Variants in CABIN1 observed in about 807,000 individuals in gnomAD.
CABIN1 encodes the protein calcineurin binding protein 1, also known as calcineurin-binding protein cabin-1.
CABIN1 carries 133 observed loss-of-function variants against 227.7 expected under a neutral mutation model. The observed-to-expected ratio is 0.58, with a 90% CI of 0.51 to 0.67. The LOEUF (loss-of-function observed/expected upper bound fraction) is 0.67. Ranked by LOEUF, CABIN1 falls within the 30% of genes least tolerant of loss-of-function variation. CABIN1 has a pLI of 0.00. For missense variants in CABIN1, 2,408 were observed against 2,852.5 expected (o/e 0.84, Z 3.55); for synonymous variants, 1,086 against 1,155.1 (o/e 0.94, Z 1.21).
rs1284328989 is a variant in CABIN1, at chr22:24,165,617, G to A, written c.4998G>A (p.Glu1666=). 1.2e-6 allele frequency: 2 copies of A among 1,612,398 alleles called. No individual in the cohort carries two copies. Among genetic ancestry groups the A allele is most frequent in the South Asian group, 2.2e-5 (2 of 90,826 alleles). The change falls in exon 31 of 37, where the codon GAG becomes GAA. Residue 1666 remains glutamate (E), a synonymous_variant. Coordinates refer to ENST00000263119, the MANE Select transcript of CABIN1 (RefSeq NM_012295.4). ...AGGTGCTCGAAGACACGCTGAGCGA[G>A]CTCGCAGAGGTATGCCACCTGTGTC... ...TVKVLEDTLS[E]LAEGSERPGP... is the part of the protein sequence containing the mutation.
At chr22:24,164,696 C>A in intron 30 of CABIN1, 133 bp downstream of exon 30, 1 of 1,056,862 alleles carries the variant, frequency 9.5e-7, no homozygotes, top group Admixed American at 2.0e-5. Context: ...GCTCTTCATT[C>A]TCCTTGGGGG....
At chr22:24,117,446 C>CA (rs2043151137) in intron 27 of CABIN1, among the ~76,000 whole-genome samples, 1 of 152,176 alleles carries the variant, frequency 6.6e-6, no homozygotes, top group South Asian at 2.1e-4. Context: ...GCAATCCTCT[C>CA]ACCTTAGCCT....
chr22:24,013,324 G>C (rs2034982031), intron 1 of CABIN1, among the ~76,000 whole-genome samples: 1 of 148,816 alleles, frequency 6.7e-6, no homozygotes, highest in South Asian at 2.1e-4. Flanking sequence ...AGCCTCCCTA[G>C]TAGCTGGGAC....
chr22:24,098,222 C>A, intron 26 of CABIN1, 30 bp downstream of exon 26: 1 of 1,613,728 alleles, frequency 6.2e-7, no homozygotes, highest in Non-Finnish European at 8.5e-7. Flanking sequence ...TACTGCCAGC[C>A]CAGGGCGGCA....
At chr22:24,118,093 T>C (rs1727116384) in intron 27 of CABIN1, among the ~76,000 whole-genome samples, 1 of 151,838 alleles carries the variant, frequency 6.6e-6, no homozygotes, top group Admixed American at 6.5e-5. Context: ...CATGGTAGGC[T>C]CTGGGCCTGG....
chr22:24,156,108 T>G (rs1400280881), intron 29 of CABIN1: 2 of 407,584 alleles, frequency 4.9e-6, no homozygotes, highest in African/African-American at 4.2e-5. Flanking sequence ...GGGCCGGGAC[T>G]GGGGCCGGGA....
At position 24,072,403 on chromosome 22, in the gene CABIN1, T is replaced by C; in HGVS notation, c.2525T>C (p.Val842Ala). 2 of 1,614,106 alleles carry C rather than the reference T, an allele frequency of 1.2e-6. No homozygotes were observed. Among genetic ancestry groups the C allele is most frequent in the Non-Finnish European group, 1.7e-6 (2 of 1,179,976 alleles). ...AVQEEAKEPHVSSVLPWIILH... is the reference protein window; with the variant it reads ...AVQEEAKEPHASSVLPWIILH... ...CAGGAGGAGGCCAAGGAGCCCCACG[T>C]CTCTTCAGTGCTACCCTGGATCATT... Residue 842 changes from valine (V) to alanine (A), a missense_variant, in exon 18 of 37, where the codon GTC becomes GCC. Transcript: ENST00000263119.
chr22:24,031,468 C>T (rs1299941430), intron 1 of CABIN1, among the ~76,000 whole-genome samples: 1 of 152,170 alleles, frequency 6.6e-6, no homozygotes, highest in African/African-American at 2.4e-5. Flanking sequence ...CTAAAATCTT[C>T]CTATTCCAAA....
intron 14 of CABIN1, among the ~76,000 whole-genome samples, chr22:24,063,458 C>T (rs1350572559): frequency 6.6e-6 from 1 of 152,190 alleles, no homozygotes; most frequent in East Asian, 1.9e-4. Flanking sequence ...CATCTTGACT[C>T]TTTGCTTATG....
intron 20 of CABIN1, among the ~76,000 whole-genome samples, chr22:24,084,349 C>T (rs1444018524): frequency 6.6e-6 from 1 of 151,894 alleles, no homozygotes; most frequent in African/African-American, 2.4e-5. Context: ...AGAGATTCTC[C>T]TGCCGCAACC....
intron 18 of CABIN1, 150 bp downstream of exon 18, chr22:24,072,660 C>T (rs999526801): frequency 1.1e-5 from 11 of 962,804 alleles, no homozygotes; most frequent in Non-Finnish European, 1.7e-5. Flanking sequence ...TGGACAGAGG[C>T]AGAAGTGTCC....
intron 11 of CABIN1, 130 bp from the exon 12 acceptor site, chr22:24,059,794 C>T (rs985284368): frequency 6.0e-6 from 5 of 827,772 alleles, no homozygotes; most frequent in East Asian, 2.7e-5. Context: ...AGCACCACAA[C>T]GTGGTATCAT....
chr22:24,050,941 A>T lies in CABIN1; in HGVS notation c.773A>T (p.Asp258Val), dbSNP rs777209460. 1.9e-6 allele frequency: 3 copies of T among 1,614,234 alleles called. No individual in the cohort carries two copies. Among genetic ancestry groups the T allele is most frequent in the South Asian group, 2.2e-5 (2 of 91,086 alleles). The change falls in exon 8 of 37, where the codon GAC (aspartate) becomes GTC (valine). Residue 258 changes from aspartate to valine, a missense_variant. This residue lies in a region of CABIN1 where 1,045 missense variants were observed against 1,168.4 expected (regional missense o/e 0.89). Coordinates refer to ENST00000263119, the MANE Select transcript of CABIN1 (RefSeq NM_012295.4). ...QALIVREKEP[D>V]LKLVQPIPFF... ...CTGATTGTGCGGGAGAAGGAGCCGG[A>T]CCTGAAACTTGTGCAGCCCATTCCT...
At chr22:24,092,258 C>T (rs1161939613) in intron 24 of CABIN1, among the ~76,000 whole-genome samples, 1 of 152,136 alleles carries the variant, frequency 6.6e-6, no homozygotes, top group Non-Finnish European at 1.5e-5. Context: ...GCCCAGGCTA[C>T]CCAGGTTGGC....
Position 24,165,585 on chromosome 22 carries a change from A to T in CABIN1, c.4966A>T (p.Thr1656Ser), listed in dbSNP as rs2046398945. The T allele has an allele frequency of 6.2e-7, 1 of 1,613,070 alleles. No homozygotes were observed. Among genetic ancestry groups the T allele is most frequent in the Non-Finnish European group, 8.5e-7 (1 of 1,179,984 alleles). Reference sequence around the variant, plus strand: ...CCTGGCGCAGCGGGCCTTCATCCTCACTGTGAAGGTGCTCGAAGACACGCT... The same window carrying T: ...CCTGGCGCAGCGGGCCTTCATCCTCTCTGTGAAGGTGCTCGAAGACACGCT... Reference protein sequence around the residue: ...QVLAQRAFILTVKVLEDTLSE... With the variant: ...QVLAQRAFILSVKVLEDTLSE... Residue 1656 changes from threonine to serine, a missense_variant, in exon 31 of 37, where the codon ACT becomes TCT. By Grantham distance (58) the Thr-to-Ser change is moderately conservative. This residue lies in a region of CABIN1 where 714 missense variants were observed against 773.8 expected (regional missense o/e 0.92). Transcript: ENST00000263119.
chr22:24,051,052 A>G, intron 8 of CABIN1, 78 bp downstream of exon 8: 1 of 1,579,956 alleles, frequency 6.3e-7, no homozygotes, highest in Non-Finnish European at 8.7e-7. Flanking sequence ...CACAGGAGGG[A>G]GAGACCTTGA....
chr22:24,152,547 G>A (rs1310229710), intron 29 of CABIN1, among the ~76,000 whole-genome samples: 1 of 152,214 alleles, frequency 6.6e-6, no homozygotes, highest in African/African-American at 2.4e-5. Flanking sequence ...CAGCAGGGAG[G>A]CAGGTAAGCA....
At chr22:24,021,911 C>A (rs1280724716) in intron 1 of CABIN1, among the ~76,000 whole-genome samples, 2 of 151,838 alleles carry the variant, frequency 1.3e-5, no homozygotes, top group Non-Finnish European at 2.9e-5. Context: ...TCTCGAATCC[C>A]CGACCTCAGG....
chr22:24,089,342 T>G (rs1212492846), intron 23 of CABIN1, among the ~76,000 whole-genome samples: 1 of 152,220 alleles, frequency 6.6e-6, no homozygotes, highest in African/African-American at 2.4e-5. Flanking sequence ...TTCCCTTTGC[T>G]TTGTTCTTTC....
Sources: gnomAD v4.1 joint callset for allele counts (sites outside exome capture counted in the v4.1 genomes callset) on GRCh38, gnomAD v4.1.1 for gene constraint, gnomAD v4.1.1 regional missense constraint, MANE v1.5 for transcripts, NCBI Gene and HGNC (gene_info 2026-07-23, HGNC 2026-07-21) for gene names.